The following YAP1 variants were observed in gnomAD, a reference collection of about 807,000 sequenced individuals.
YAP1 encodes transcriptional coactivator YAP1.
Under a neutral mutation model 56.9 loss-of-function variants are expected in YAP1, and 5 were observed. That is an observed-to-expected ratio of 0.09 (90% CI 0.05 to 0.18). YAP1 has a LOEUF of 0.18. Among genes scored for constraint, YAP1 ranks in the 10% least tolerant of loss-of-function variants. The probability of loss-of-function intolerance (pLI) is 1.00; values close to 1 mark genes in which losing one functional copy is unlikely to be tolerated. For missense variants in YAP1, 539 were observed against 651.8 expected (o/e 0.83, Z 1.88); for synonymous variants, 265 against 248.1 (o/e 1.07, Z -0.64).
chr11:102,154,842 A>G (rs1236580714), intron 2 of YAP1, among the ~76,000 whole-genome samples: 1 of 152,200 alleles, frequency 6.6e-6, no homozygotes, highest in African/African-American at 2.4e-5. Context: ...ATAAATACGC[A>G]ATGGATATGG....
intron 2 of YAP1, among the ~76,000 whole-genome samples, chr11:102,133,458 G>A (rs111660629): frequency 0.015 from 2,271 of 152,046 alleles, 56 homozygotes; most frequent in African/African-American, 0.052. Context: ...TACCATGCTC[G>A]GCTAATTTTT....
At position 102,114,425 on chromosome 11, in the gene YAP1, T is replaced by C. The variant is rs377191380; in HGVS notation, c.572+31T>C. On this transcript the variant is annotated intron_variant, in intron 2 of 8. Transcript: ENST00000282441. ...TGAAAATAATGGTGGGAGACAGTTA[T>C]CTAAGACAAATATGTATTGGAAAAC... The C allele has an allele frequency of 4.1e-5, 65 of 1,598,484 alleles. No individual in the cohort carries two copies. The African/African-American group carries it at 7.6e-4, about 19-fold the overall frequency.
intron 2 of YAP1, among the ~76,000 whole-genome samples, chr11:102,136,684 A>G (rs896874344): frequency 5.9e-5 from 9 of 152,096 alleles, no homozygotes; most frequent in Admixed American, 5.9e-4. Flanking sequence ...TTTCATATAT[A>G]TGTCTTTAAT....
At chr11:102,226,663 T>C (rs1398097569) in intron 7 of YAP1, among the ~76,000 whole-genome samples, 1 of 152,254 alleles carries the variant, frequency 6.6e-6, no homozygotes, top group African/African-American at 2.4e-5. Flanking sequence ...ATACTTTTAA[T>C]GTAAATCTGG....
intron 3 of YAP1, among the ~76,000 whole-genome samples, chr11:102,182,883 T>C (rs1427010536): frequency 2.0e-5 from 3 of 152,232 alleles, no homozygotes; most frequent in Non-Finnish European, 4.4e-5. Context: ...ATTTGGTATA[T>C]ATGTGTTGGT....
chr11:102,113,287 T>G (rs187801707), intron 1 of YAP1, among the ~76,000 whole-genome samples: 3 of 152,352 alleles, frequency 2.0e-5, no homozygotes, highest in Admixed American at 2.0e-4. Context: ...CACAAACTGG[T>G]GACTGTAAGT....
intron 3 of YAP1, among the ~76,000 whole-genome samples, chr11:102,184,144 C>T (rs942611157): frequency 1.3e-5 from 2 of 151,310 alleles, no homozygotes; most frequent in African/African-American, 4.9e-5. Context: ...CTCCCAAAGG[C>T]ATTCAGTGAT....
chr11:102,157,824 A>G (rs1475784004), intron 2 of YAP1, among the ~76,000 whole-genome samples: 1 of 152,194 alleles, frequency 6.6e-6, no homozygotes, highest in Non-Finnish European at 1.5e-5. Context: ...GCAGGTCACT[A>G]TCATCAAAAG....
chr11:102,174,745 A>G (rs1947134949), intron 3 of YAP1, among the ~76,000 whole-genome samples: 1 of 152,172 alleles, frequency 6.6e-6, no homozygotes, highest in African/African-American at 2.4e-5. Flanking sequence ...AGGGATACAA[A>G]GACAAAAAAG....
intron 4 of YAP1, chr11:102,186,428 A>T: frequency 3.2e-6 from 1 of 316,228 alleles, no homozygotes; most frequent in Non-Finnish European, 5.9e-6. Flanking sequence ...GATTGTTTTT[A>T]AAATGTTTTT....
chr11:102,127,147 A>AT (rs1430604175), intron 2 of YAP1, among the ~76,000 whole-genome samples: 1 of 152,214 alleles, frequency 6.6e-6, no homozygotes, highest in African/African-American at 2.4e-5. Context: ...ATAAAAACCC[A>AT]TTTTTTGAGG....
At chr11:102,147,308 G>T (rs951765320) in intron 2 of YAP1, among the ~76,000 whole-genome samples, 2 of 152,146 alleles carry the variant, frequency 1.3e-5, no homozygotes, top group African/African-American at 4.8e-5. Context: ...GAACACTCCA[G>T]TAGTCATCTT....
rs538904928 is a variant in YAP1, at chr11:102,194,485, G to A, written c.802+8354G>A. On this transcript the variant is annotated intron_variant, in intron 4 of 8. Coordinates refer to ENST00000282441, the MANE Select transcript of YAP1 (RefSeq NM_001130145.3). ...TAACTAGGGAGAGAAACTATTTTAG[G>A]ATTTATTTATTTATGCAACAAAAGT... 3.2e-4 allele frequency among the ~76,000 whole-genome samples: 48 copies of A among 152,252 alleles called. 1 individual carries two copies. The highest frequency in any genetic ancestry group is 1.1e-3 in the African/African-American group (47 of 41,554).
chr11:102,196,903 G>A (rs114886002), intron 4 of YAP1, among the ~76,000 whole-genome samples: 2 of 152,228 alleles, frequency 1.3e-5, no homozygotes, highest in African/African-American at 2.4e-5. Context: ...GCTTTTCAGT[G>A]TGAATTAAAA....
chr11:102,152,530 A>T (rs1235322927), intron 2 of YAP1, among the ~76,000 whole-genome samples: 2 of 152,180 alleles, frequency 1.3e-5, no homozygotes, highest in African/African-American at 2.4e-5. Flanking sequence ...TGGGCCCTTA[A>T]TTAAATGTCC....
At chr11:102,150,664 A>AT (rs1448755834) in intron 2 of YAP1, among the ~76,000 whole-genome samples, 4 of 152,178 alleles carry the variant, frequency 2.6e-5, no homozygotes, top group African/African-American at 9.7e-5. Flanking sequence ...ACTTAAAAAA[A>AT]TGTGTGTTGG....
At chr11:102,208,288 T>C (rs1452266453) in intron 5 of YAP1, among the ~76,000 whole-genome samples, 2 of 152,220 alleles carry the variant, frequency 1.3e-5, no homozygotes, top group African/African-American at 2.4e-5. Context: ...GGGTATTATA[T>C]AGTATCTGGA....
Position 102,162,658 on chromosome 11 carries a change from C to T in YAP1, c.688+87C>T, listed in dbSNP as rs113709393. 135 of 1,272,062 alleles carry T rather than the reference C, an allele frequency of 1.1e-4. No individual in the cohort carries two copies. The African/African-American group carries it at 1.8e-3, about 17-fold the overall frequency. The allele number at this position is 1,272,062 out of a possible 1,614,324, so 78.8% of individuals were successfully genotyped here. ...GTGGAAAATAGTCATTACTCGTTTA[C>T]AGAAACTGGGACATGGTGATGTTTA... On this transcript the variant is annotated intron_variant, in intron 3 of 8. Transcript: ENST00000282441.
At chr11:102,174,707 G>T (rs1391650648) in intron 3 of YAP1, among the ~76,000 whole-genome samples, 42 of 152,144 alleles carry the variant, frequency 2.8e-4, no homozygotes, top group Non-Finnish European at 3.5e-4. Context: ...GCAAACTTTG[G>T]TTGTATTTGG....
Sources: gnomAD v4.1 joint callset for allele counts (sites outside exome capture counted in the v4.1 genomes callset) on GRCh38, gnomAD v4.1.1 for gene constraint, MANE v1.5 for transcripts, NCBI Gene and HGNC (gene_info 2026-07-23, HGNC 2026-07-21) for gene names.